The following STX1A variants were observed in gnomAD, a reference collection of about 807,000 sequenced individuals.
STX1A encodes syntaxin-1A.
STX1A carries 4 observed loss-of-function variants against 37.8 expected under a neutral mutation model. The observed-to-expected ratio is 0.11, with a 90% CI of 0.05 to 0.24. The LOEUF (loss-of-function observed/expected upper bound fraction) is 0.24, where lower values mean the gene tolerates loss of function less well. Among genes scored for constraint, STX1A ranks in the 10% least tolerant of loss-of-function variants. The pLI is 1.00. For missense variants in STX1A, 251 were observed against 399.9 expected (o/e 0.63, Z 3.18); for synonymous variants, 135 against 147.4 (o/e 0.92, Z 0.61).
At position 73,719,583 on chromosome 7, in the gene STX1A, G is replaced by A. The variant is rs1188333280; in HGVS notation, c.30+19C>T. Reference sequence around the variant, plus strand: ...CTGGCGGCGGGCGGCGGGCGGCCGCGCGCTGGGGCCGGACTCACCGTGCGG... The same window carrying A: ...CTGGCGGCGGGCGGCGGGCGGCCGCACGCTGGGGCCGGACTCACCGTGCGG... On this transcript the variant is annotated intron_variant, in intron 1 of 9. Transcript: ENST00000222812. 16 of 1,208,218 alleles carry A rather than the reference G, an allele frequency of 1.3e-5. No individual in the cohort carries two copies. Among genetic ancestry groups the A allele is most frequent in the African/African-American group, 3.2e-5 (2 of 63,080 alleles). 74.8% of individuals were successfully genotyped at this position (1,208,218 alleles called of 1,614,324 possible).
chr7:73,708,700 G>A lies in STX1A; in HGVS notation c.109-12C>T. On this transcript the variant is annotated splice_polypyrimidine_tract_variant and intron_variant, in intron 2 of 9. Coordinates refer to ENST00000222812, the MANE Select transcript of STX1A (RefSeq NM_004603.4). ...CGAATCTCCTCCACCTGCGGACCAA[G>A]GCCAGGTGGTCAGGAGAAGGAAATC... 6.2e-7 allele frequency: 1 copy of A among 1,612,656 alleles called. No individual in the cohort carries two copies. Among genetic ancestry groups the A allele is most frequent in the Non-Finnish European group, 8.5e-7 (1 of 1,179,264 alleles).
chr7:73,701,632 C>A (rs1798659628), intron 8 of STX1A, among the ~76,000 whole-genome samples: 2 of 152,194 alleles, frequency 1.3e-5, no homozygotes, highest in Admixed American at 6.5e-5. Context: ...GACCATGACA[C>A]TGCCCCACAA....
Position 73,700,490 on chromosome 7 carries a change from T to C in STX1A, c.790-6A>G, listed in dbSNP as rs781822557. The C allele has an allele frequency of 4.7e-5, 76 of 1,612,984 alleles. No individual in the cohort carries two copies. Among genetic ancestry groups the C allele is most frequent in the Admixed American group, 6.7e-5 (4 of 59,896 alleles). On this transcript the variant is annotated splice_polypyrimidine_tract_variant and splice_region_variant and intron_variant, in intron 9 of 9. Coordinates refer to ENST00000222812, the MANE Select transcript of STX1A (RefSeq NM_004603.4). The surrounding 1 kb of genome is among the most constrained non-coding windows in gnomAD (Gnocchi z 4.4). ...ATGATGATCATGATTTTCTTCTGCA[T>C]GGGAAGCGGGCAGGAGAGGCCTCAG...
In STX1A at chr7:73,708,773, G is replaced by A. The variant is rs112504361; in HGVS notation, c.109-85C>T. The stretch of plus-strand genomic sequence containing the variant: ...CAGAGATGGCCCAGAGTAGGGCTGC[G>A]GTCAGGGCTCAGGGGGAGGACGGGC... On this transcript the variant is annotated intron_variant, in intron 2 of 9. Transcript: ENST00000222812. 2.0e-5 allele frequency: 29 copies of A among 1,438,222 alleles called. No homozygotes were observed. In the East Asian group the frequency reaches 4.1e-4, roughly 21 times the overall value. The allele number at this position is 1,438,222 out of a possible 1,614,324, so 89.1% of individuals were successfully genotyped here.
In STX1A at chr7:73,709,094, A is replaced by ACATCAT; in HGVS notation, c.53_58dup (p.Asp18_Asp19dup). ...GCGGTCTCGGTCCACGGTGACAGCG[A>ACATCAT]CATCATCATCATCATCGCTGTCCTT... On this transcript the variant is annotated inframe_insertion, in exon 2 of 10. Coordinates refer to ENST00000222812, the MANE Select transcript of STX1A (RefSeq NM_004603.4). The surrounding 1 kb of genome is among the most constrained non-coding windows in gnomAD (Gnocchi z 4.2). 6.2e-7 allele frequency: 1 copy of ACATCAT among 1,613,870 alleles called. No homozygotes were observed. The highest frequency in any genetic ancestry group is 8.5e-7 in the Non-Finnish European group (1 of 1,179,974).
At chr7:73,708,849 T>A (rs781848046) in intron 2 of STX1A, among the ~76,000 whole-genome samples, 161 bp from the exon 3 acceptor site, 1 of 152,078 alleles carries the variant, frequency 6.6e-6, no homozygotes, top group Non-Finnish European at 1.5e-5. Flanking sequence ...CAGACCCAGA[T>A]GGGGAGGAGT....
At position 73,704,133 on chromosome 7, in the gene STX1A, C is replaced by T; in HGVS notation, c.466+15G>A. On this transcript the variant is annotated intron_variant, in intron 6 of 9. Transcript: ENST00000222812. The stretch of plus-strand genomic sequence containing the variant: ...CAGGCTCCAGGCCCCGCCCCAGGCC[C>T]CACCCCCAGCTCACTGATCTCCAGC... 6.2e-7 allele frequency: 1 copy of T among 1,601,032 alleles called. No individual in the cohort carries two copies. The highest frequency in any genetic ancestry group is 8.5e-7 in the Non-Finnish European group (1 of 1,177,230).
At chr7:73,716,523 C>T (rs1310279000) in intron 1 of STX1A, 1 of 152,504 alleles carries the variant, frequency 6.6e-6, no homozygotes, top group Non-Finnish European at 1.5e-5. Context: ...GCTATTCTCT[C>T]CTGGTTGAGC....
rs782203664 is a variant in STX1A, at chr7:73,705,268, G to A, written c.209-44C>T. On this transcript the variant is annotated intron_variant, in intron 3 of 9. Coordinates refer to ENST00000222812, the MANE Select transcript of STX1A (RefSeq NM_004603.4). The surrounding 1 kb of genome is among the most constrained non-coding windows in gnomAD (Gnocchi z 5.2). ...TGGGGGTAGGCCTCCTAGGCTCCGC[G>A]GGGACTGATGTGCAGGCTCAGCCTC... 33 of 1,525,270 alleles carry A rather than the reference G, an allele frequency of 2.2e-5. No homozygotes were observed. Among genetic ancestry groups the A allele is most frequent in the East Asian group, 2.0e-4 (9 of 44,440 alleles). 94.5% of individuals were successfully genotyped at this position (1,525,270 alleles called of 1,614,324 possible).
chr7:73,702,434 A>G lies in STX1A; in HGVS notation c.678+411T>C, dbSNP rs1798693063. On this transcript the variant is annotated intron_variant, in intron 8 of 9. Coordinates refer to ENST00000222812, the MANE Select transcript of STX1A (RefSeq NM_004603.4). The surrounding 1 kb of genome is among the most constrained non-coding windows in gnomAD (Gnocchi z 4.7). ...GGTGACTCATTCAAGTTTGAGCCCC[A>G]CTGGAGAACCTTCGATTTGTTCTTA... The G allele has an allele frequency of 2.9e-6, 1 of 344,846 alleles. No individual in the cohort carries two copies. Among genetic ancestry groups the G allele is most frequent in the African/African-American group, 2.1e-5 (1 of 47,644 alleles). The allele number at this position is 344,846 out of a possible 1,614,324, so 21.4% of individuals were successfully genotyped here.
chr7:73,703,012 A>G lies in STX1A; in HGVS notation c.541-30T>C, dbSNP rs782509714. ...GGGTGGGAGCAGGGGGCTGGGACCC[A>G]GAGGCTTGCTGAGGGGCAGGGCAGA... is the stretch of plus-strand genomic sequence containing the variant. On this transcript the variant is annotated intron_variant, in intron 7 of 9. Transcript: ENST00000222812. The G allele has an allele frequency of 2.2e-6, 3 of 1,369,324 alleles. No homozygotes were observed. In the Admixed American group the frequency reaches 6.1e-5, roughly 28 times the overall value. 84.8% of individuals were successfully genotyped at this position (1,369,324 alleles called of 1,614,324 possible). A position where few individuals can be genotyped will look rare whatever the true frequency, so the allele number is the denominator to read the frequency against.
chr7:73,704,492 G>T (rs1798798095), intron 4 of STX1A, 69 bp from the exon 5 acceptor site: 2 of 1,585,090 alleles, frequency 1.3e-6, no homozygotes, highest in South Asian at 2.2e-5. Flanking sequence ...CGCACACCCA[G>T]CATCTATCCA....
intron 7 of STX1A, 73 bp from the exon 8 acceptor site, chr7:73,703,055 G>GT: frequency 4.3e-6 from 2 of 470,230 alleles, no homozygotes; most frequent in Non-Finnish European, 7.2e-6. Context: ...GGGGGAGGGC[G>GT]TTTGGGGTGG....
chr7:73,704,666 T>C, intron 4 of STX1A: 2 of 579,978 alleles, frequency 3.4e-6, no homozygotes, highest in Non-Finnish European at 6.2e-6. Flanking sequence ...GTGTGTGAGG[T>C]CTGGTAGCTC....
intron 1 of STX1A, among the ~76,000 whole-genome samples, chr7:73,718,587 G>A (rs1799374167): frequency 1.3e-5 from 2 of 152,028 alleles, no homozygotes; most frequent in Non-Finnish European, 2.9e-5. Flanking sequence ...GACCAGATGA[G>A]ACTCAATCTA....
chr7:73,706,574 G>A lies in STX1A; in HGVS notation c.209-1350C>T, dbSNP rs868995752. ...AGCTCACGGGTGGTGACTCAGAACC[G>A]GTCCCTATGACTGTGCATGACACCG... On this transcript the variant is annotated intron_variant, in intron 3 of 9. Transcript: ENST00000222812. The surrounding 1 kb of genome is among the most constrained non-coding windows in gnomAD (Gnocchi z 4.6). 1.3e-5 allele frequency among the ~76,000 whole-genome samples: 2 copies of A among 152,132 alleles called. No individual in the cohort carries two copies. The highest frequency in any genetic ancestry group is 4.8e-5 in the African/African-American group (2 of 41,408).
Position 73,705,058 on chromosome 7 carries a change from G to A in STX1A, c.283+92C>T, listed in dbSNP as rs1027609560. On this transcript the variant is annotated intron_variant, in intron 4 of 9. Coordinates refer to ENST00000222812, the MANE Select transcript of STX1A (RefSeq NM_004603.4). The surrounding 1 kb of genome is among the most constrained non-coding windows in gnomAD (Gnocchi z 5.2). ...CTCAGAAAGGAAAGCAAGATCCGGC[G>A]CACCCCCTCAGGGCGAGCAAAACCC... The A allele has an allele frequency of 7.7e-5, 94 of 1,225,784 alleles. No homozygotes were observed. Among genetic ancestry groups the A allele is most frequent in the Non-Finnish European group, 1.0e-4 (85 of 830,814 alleles). 75.9% of individuals were successfully genotyped at this position (1,225,784 alleles called of 1,614,324 possible). A position where few individuals can be genotyped will look rare whatever the true frequency, so the allele number is the denominator to read the frequency against.
At position 73,705,423 on chromosome 7, in the gene STX1A, C is replaced by G. The variant is rs1040408768; in HGVS notation, c.209-199G>C. 9 of 581,500 alleles carry G rather than the reference C, an allele frequency of 1.5e-5. No homozygotes were observed. Among genetic ancestry groups the G allele is most frequent in the Admixed American group, 3.0e-5 (1 of 33,150 alleles). 36.0% of individuals were successfully genotyped at this position (581,500 alleles called of 1,614,324 possible). A position where few individuals can be genotyped will look rare whatever the true frequency, so the allele number is the denominator to read the frequency against. On this transcript the variant is annotated intron_variant, in intron 3 of 9. Coordinates refer to ENST00000222812, the MANE Select transcript of STX1A (RefSeq NM_004603.4). This position sits in a 1 kb window ranked among gnomAD's most constrained non-coding sequence, Gnocchi z 5.2. ...GGCTGCACCAGCTGCAGCTTCACCC[C>G]CTCTTGTGCTGTCTTCGGAGGAGCC...
chr7:73,703,786 T>G lies in STX1A; in HGVS notation c.509A>C (p.Glu170Ala). Residue 170 changes from glutamate to alanine, a missense_variant, in exon 7 of 10, where the codon GAG (glutamate) becomes GCG (alanine). Around this residue, in one of 2 missense-constraint regions of STX1A, gnomAD observed 214 missense variants for 367.6 expected, o/e 0.58. Transcript: ENST00000222812. ...TTSEELEDML[E>A]SGNPAIFASG... is the part of the protein sequence containing the mutation. ...GGCAAAGATGGCGGGGTTCCCACTC[T>G]CCAGCATGTCCTCCAGCTCCTCACT... 1 of 1,613,938 alleles carries G rather than the reference T, an allele frequency of 6.2e-7. No homozygotes were observed. Among genetic ancestry groups the G allele is most frequent in the Non-Finnish European group, 8.5e-7 (1 of 1,179,952 alleles).
Sources: gnomAD v4.1 joint callset for allele counts (sites outside exome capture counted in the v4.1 genomes callset) on GRCh38, gnomAD v4.1.1 for gene constraint, gnomAD v4.1.1 regional missense constraint, Gnocchi (gnomAD v3.1) non-coding constraint, MANE v1.5 for transcripts, NCBI Gene and HGNC (gene_info 2026-07-23, HGNC 2026-07-21) for gene names.